The following CYLD variants were observed in gnomAD, a reference collection of about 807,000 sequenced individuals.
The protein encoded by CYLD is CYLD lysine 63 deubiquitinase.
CYLD carries 26 observed loss-of-function variants against 104.5 expected under a neutral mutation model. The ratio of observed to expected loss-of-function variants is 0.25; its 90% CI spans 0.18 to 0.35. The LOEUF (loss-of-function observed/expected upper bound fraction) is 0.35, where lower values mean the gene tolerates loss of function less well. CYLD is among the 10% of genes least tolerant of loss of function. The pLI is 1.00. For missense variants in CYLD, 703 were observed against 1,136.1 expected (o/e 0.62, Z 5.48); for synonymous variants, 385 against 399.9 (o/e 0.96, Z 0.45).
intron 7 of CYLD, 23 bp from the exon 8 acceptor site, chr16:50,777,802 T>C (rs1490104619): frequency 3.0e-6 from 4 of 1,324,278 alleles, no homozygotes; most frequent in Non-Finnish European, 4.4e-6. Context: ...TATTTTTAAA[T>C]GAAACTTTTC....
chr16:50,780,295 A>G (rs1259516842), intron 9 of CYLD, among the ~76,000 whole-genome samples: 1 of 152,162 alleles, frequency 6.6e-6, no homozygotes, highest in Non-Finnish European at 1.5e-5. Context: ...TAGGCTCCTT[A>G]TATTAAACAG....
chr16:50,749,098 A>C (rs1966426638), intron 2 of CYLD, among the ~76,000 whole-genome samples: 1 of 152,192 alleles, frequency 6.6e-6, no homozygotes, highest in Non-Finnish European at 1.5e-5. Context: ...GTTACTCGGG[A>C]GGCTGAGGTA....
At chr16:50,755,160 C>G (rs1354842543) in intron 5 of CYLD, among the ~76,000 whole-genome samples, 1 of 136,524 alleles carries the variant, frequency 7.3e-6, no homozygotes, top group African/African-American at 2.8e-5. Flanking sequence ...TGTATATACA[C>G]ACGTGTACAT....
intron 5 of CYLD, among the ~76,000 whole-genome samples, chr16:50,770,671 G>A (rs1249414601): frequency 2.6e-5 from 4 of 151,832 alleles, no homozygotes; most frequent in East Asian, 3.9e-4. Context: ...GGCTGGTCTC[G>A]AACTCCTGAC....
intron 5 of CYLD, among the ~76,000 whole-genome samples, chr16:50,774,508 A>T (rs1401679519): frequency 2.6e-5 from 4 of 152,218 alleles, no homozygotes; most frequent in Non-Finnish European, 5.9e-5. Context: ...ATATGGCAAC[A>T]TCACTACTCG....
At chr16:50,781,198 A>G (rs746158700) in intron 9 of CYLD, 48 bp from the exon 10 acceptor site, 3 of 1,607,172 alleles carry the variant, frequency 1.9e-6, no homozygotes, top group Admixed American at 1.7e-5. Flanking sequence ...TTTGTATACT[A>G]TCTCTGTAAG....
At chr16:50,749,247 T>C (rs1016007091) in intron 2 of CYLD, among the ~76,000 whole-genome samples, 1 of 152,138 alleles carries the variant, frequency 6.6e-6, no homozygotes, top group Admixed American at 6.5e-5. Flanking sequence ...AGAATATGTA[T>C]ATAAGGGTAA....
intron 8 of CYLD, among the ~76,000 whole-genome samples, chr16:50,778,672 A>AC (rs1969917370): frequency 6.6e-6 from 1 of 152,180 alleles, no homozygotes; most frequent in African/African-American, 2.4e-5. Context: ...AATGGAAGCT[A>AC]GTGTTTGCCA....
intron 2 of CYLD, among the ~76,000 whole-genome samples, chr16:50,745,539 C>G (rs368513739): frequency 2.0e-5 from 3 of 151,446 alleles, no homozygotes; most frequent in East Asian, 1.9e-4. Flanking sequence ...CCACCACACC[C>G]GGCTAATTTT....
chr16:50,794,245 T>C lies in CYLD; in HGVS notation c.2503T>C (p.Tyr835His). 1.2e-6 allele frequency: 2 copies of C among 1,614,188 alleles called. No individual in the cohort carries two copies. Among genetic ancestry groups the C allele is most frequent in the Non-Finnish European group, 1.7e-6 (2 of 1,180,024 alleles). The change falls in exon 18 of 19, where the codon TAT becomes CAT. Residue 835 changes from tyrosine to histidine, a missense_variant. Coordinates refer to ENST00000427738, the MANE Select transcript of CYLD (RefSeq NM_001378743.1). The surrounding 1 kb of genome is among the most constrained non-coding windows in gnomAD (Gnocchi z 4.1). ...HLHPKRLNHK[Y>H]NPVSLPKDLP... is the part of the protein sequence containing the mutation. The stretch of plus-strand genomic sequence containing the variant: ...TCATCCGAAGAGGCTGAATCATAAA[T>C]ATAACCCAGTGTCACTTCCCAAAGA...
intron 13 of CYLD, 42 bp from the exon 14 acceptor site, chr16:50,787,744 A>G: frequency 9.1e-7 from 1 of 1,104,584 alleles, no homozygotes; most frequent in South Asian, 1.3e-5. Context: ...ATGATTTAAA[A>G]ATTTTGCCTG....
intron 5 of CYLD, among the ~76,000 whole-genome samples, chr16:50,757,543 AT>A (rs34683241): frequency 1.7e-4 from 26 of 149,372 alleles, no homozygotes; most frequent in Admixed American, 2.7e-4. Flanking sequence ...GTTTTTCATG[AT>A]TTTTTTTTTT....
At chr16:50,781,213 G>C (rs759012122) in intron 9 of CYLD, 33 bp from the exon 10 acceptor site, 2 of 1,612,328 alleles carry the variant, frequency 1.2e-6, no homozygotes, top group South Asian at 2.2e-5. Flanking sequence ...TGTAAGGCAC[G>C]GTATAATGCA....
At chr16:50,747,020 T>C (rs1263063555) in intron 2 of CYLD, among the ~76,000 whole-genome samples, 1 of 152,158 alleles carries the variant, frequency 6.6e-6, no homozygotes, top group African/African-American at 2.4e-5. Context: ...CTTTTCAAAA[T>C]AGAATTACTT....
chr16:50,781,208 G>C, intron 9 of CYLD, 38 bp from the exon 10 acceptor site: 1 of 1,611,938 alleles, frequency 6.2e-7, no homozygotes, highest in Non-Finnish European at 8.5e-7. Flanking sequence ...ATCTCTGTAA[G>C]GCACGGTATA....
Position 50,754,349 on chromosome 16 carries a change from T to G in CYLD, c.838T>G (p.Phe280Val). The G allele has an allele frequency of 6.2e-7, 1 of 1,613,472 alleles. No homozygotes were observed. The highest frequency in any genetic ancestry group is 1.1e-5 in the South Asian group (1 of 91,066). ...DNPIGNWDGR[F>V]DGVQLCSFAC... Reference sequence around the variant, plus strand: ...CCCTATTGGCAACTGGGATGGAAGATTTGATGGAGTGCAGCTTTGTAGTTT... The same window carrying G: ...CCCTATTGGCAACTGGGATGGAAGAGTTGATGGAGTGCAGCTTTGTAGTTT... The change falls in exon 5 of 19, where the codon TTT (phenylalanine) becomes GTT (valine). Residue 280 changes from phenylalanine (F) to valine (V), a missense_variant. Coordinates refer to ENST00000427738, the MANE Select transcript of CYLD (RefSeq NM_001378743.1).
rs1279420867 is a variant in CYLD, at chr16:50,793,559, C to T, written c.2364C>T (p.Cys788=). 4 of 1,611,660 alleles carry T rather than the reference C, an allele frequency of 2.5e-6. No individual in the cohort carries two copies. In the African/African-American group the frequency reaches 4.0e-5, roughly 16 times the overall value. ...CTCACATTTCAGCTCCCAGACAGTG[C>T]CGGATATGTGGAGGGCTTGCAATGT... ...TDLLEDTPRQ[C]RICGGLAMYE... The change falls in exon 17 of 19, where the codon TGC becomes TGT. Residue 788 remains cysteine, a synonymous_variant. Transcript: ENST00000427738.
In CYLD at chr16:50,769,121, A is replaced by G. The variant is rs558414259; in HGVS notation, c.914-6045A>G. Among the ~76,000 whole-genome samples, 12 of 152,200 alleles carry G rather than the reference A, an allele frequency of 7.9e-5. No individual in the cohort carries two copies. In the South Asian group the frequency reaches 2.1e-3, roughly 26 times the overall value. On this transcript the variant is annotated intron_variant, in intron 5 of 18. Transcript: ENST00000427738. ...CTTGAGTTTTTTTCAGTTTTTGGCT[A>G]TTATGAATAATGCTGCTATGAAAAT...
Position 50,782,468 on chromosome 16 carries a change from TA to T in CYLD, c.1826+4del. On this transcript the variant is annotated splice_donor_region_variant and intron_variant, in intron 11 of 18. Transcript: ENST00000427738. The stretch of plus-strand genomic sequence containing the variant: ...TTACTTAGACTCAACCTTATTCTGG[TA>T]AGTTTAAAAAGAATGCAATAGGTAT... The T allele has an allele frequency of 6.2e-7, 1 of 1,613,994 alleles. No homozygotes were observed. Among genetic ancestry groups the T allele is most frequent in the Non-Finnish European group, 8.5e-7 (1 of 1,179,904 alleles).
Sources: allele counts gnomAD v4.1 joint callset (sites outside exome capture counted in the v4.1 genomes callset), GRCh38; gene constraint gnomAD v4.1.1; non-coding constraint Gnocchi (gnomAD v3.1); transcripts MANE v1.5; gene names NCBI Gene and HGNC (gene_info 2026-07-23, HGNC 2026-07-21).